The following TENM2 variants were observed in gnomAD, a reference collection of about 807,000 sequenced individuals.
TENM2 encodes teneurin transmembrane protein 2.
Under a neutral mutation model 245.2 loss-of-function variants are expected in TENM2, and 52 were observed. That is an observed-to-expected ratio of 0.21 (90% CI 0.17 to 0.27). The LOEUF is 0.27. Among genes scored for constraint, TENM2 ranks in the 10% least tolerant of loss-of-function variants. TENM2 has a pLI of 1.00. For missense variants in TENM2, 3,046 were observed against 3,666.8 expected (o/e 0.83, Z 4.37); for synonymous variants, 1,363 against 1,438.9 (o/e 0.95, Z 1.19).
intron 2 of TENM2, among the ~76,000 whole-genome samples, chr5:167,669,063 C>A (rs1339588477): frequency 6.6e-6 from 1 of 152,172 alleles, no homozygotes; most frequent in Non-Finnish European, 1.5e-5. Context: ...TAAGCTGATT[C>A]TTTTATTTGG....
At chr5:167,315,634 C>T (rs1417634761) in intron 1 of TENM2, among the ~76,000 whole-genome samples, 1 of 151,866 alleles carries the variant, frequency 6.6e-6, no homozygotes, top group African/African-American at 2.4e-5. Context: ...TGATTTTTTT[C>T]AAGGTGTGCT....
chr5:167,074,090 A>G, the TENM2 span, among the ~76,000 whole-genome samples: 537 of 152,306 alleles, frequency 3.5e-3, 3 homozygotes, highest in African/African-American at 0.012. Flanking sequence ...AAAGGGTTCT[A>G]TAAGGACCAT....
At chr5:167,088,491 G>C in the TENM2 span, among the ~76,000 whole-genome samples, 6 of 151,988 alleles carry the variant, frequency 3.9e-5, no homozygotes, top group Admixed American at 2.0e-4. Flanking sequence ...GAGGGGCGTG[G>C]TTTTGGGCAC....
At chr5:167,644,525 C>T (rs533575287) in intron 2 of TENM2, among the ~76,000 whole-genome samples, 1 of 152,310 alleles carries the variant, frequency 6.6e-6, no homozygotes, top group Admixed American at 6.5e-5. Context: ...GTGACATGCA[C>T]TCAGTAAATG....
chr5:168,204,373 A>T, exon 19 of TENM2: 1 of 1,612,516 alleles, frequency 6.2e-7, no homozygotes, highest in Non-Finnish European at 8.5e-7. Context: ...CCCCCACAGG[A>T]ATCCTACACA....
intron 2 of TENM2, among the ~76,000 whole-genome samples, chr5:167,470,251 A>G (rs1261061226): frequency 1.3e-5 from 2 of 152,142 alleles, no homozygotes; most frequent in African/African-American, 4.8e-5. Flanking sequence ...TCACATTACT[A>G]GATCTTAAGC....
At chr5:167,744,791 C>T (rs1404054707) in intron 2 of TENM2, among the ~76,000 whole-genome samples, 1 of 151,558 alleles carries the variant, frequency 6.6e-6, no homozygotes, top group Admixed American at 6.6e-5. Flanking sequence ...TTCTTTCTGT[C>T]TGTCTCTCTC....
At chr5:167,811,082 T>C (rs1766602088) in intron 2 of TENM2, among the ~76,000 whole-genome samples, 2 of 152,126 alleles carry the variant, frequency 1.3e-5, no homozygotes, top group South Asian at 4.1e-4. Flanking sequence ...TTTTGCATGA[T>C]ATATCGCTGC....
chr5:167,649,913 A>G (rs1286993867), intron 2 of TENM2, among the ~76,000 whole-genome samples: 1 of 152,184 alleles, frequency 6.6e-6, no homozygotes, highest in Non-Finnish European at 1.5e-5. Flanking sequence ...AGTTTTTCAA[A>G]TGGAAATTGA....
At chr5:167,791,581 G>A (rs542110491) in intron 2 of TENM2, among the ~76,000 whole-genome samples, 30 of 145,916 alleles carry the variant, frequency 2.1e-4, no homozygotes, top group Admixed American at 2.0e-3. Flanking sequence ...AATGAATGAG[G>A]ATAATGGTTG....
At chr5:167,604,419 A>G (rs549859567) in intron 2 of TENM2, among the ~76,000 whole-genome samples, 1 of 152,294 alleles carries the variant, frequency 6.6e-6, no homozygotes, top group East Asian at 1.9e-4. Context: ...TGTATTATAA[A>G]TCTATGCAGA....
At chr5:167,829,284 T>C (rs1230444281) in intron 2 of TENM2, among the ~76,000 whole-genome samples, 1 of 152,182 alleles carries the variant, frequency 6.6e-6, no homozygotes, top group African/African-American at 2.4e-5. Flanking sequence ...ACACCAGCCT[T>C]AAAGAAACTG....
At chr5:167,902,007 A>G (rs1444330648) in intron 3 of TENM2, among the ~76,000 whole-genome samples, 1 of 152,180 alleles carries the variant, frequency 6.6e-6, no homozygotes, top group Non-Finnish European at 1.5e-5. Flanking sequence ...CCCATATCCT[A>G]AGTAATCGTC....
rs115320196 is a variant in TENM2, at chr5:168,259,843, T to A, written c.7433-440T>A. ...AACACTTGCTAAATAAAGGAGTTGA[T>A]ATTTATTGAGCAGTTAATGTGCCAG... On this transcript the variant is annotated intron_variant, in intron 27 of 28. Transcript: ENST00000518659. 5.1e-3 allele frequency among the ~76,000 whole-genome samples: 777 copies of A among 152,376 alleles called. 6 individuals carry two copies. Among genetic ancestry groups the A allele is most frequent in the African/African-American group, 0.018 (740 of 41,582 alleles).
the TENM2 span, among the ~76,000 whole-genome samples, chr5:167,148,076 C>A: frequency 1.3e-5 from 2 of 152,258 alleles, no homozygotes; most frequent in South Asian, 4.1e-4. Context: ...TGATGCATAA[C>A]CCAACCAGCA....
chr5:167,150,317 T>C, the TENM2 span, among the ~76,000 whole-genome samples: 3 of 152,210 alleles, frequency 2.0e-5, no homozygotes, highest in Non-Finnish European at 4.4e-5. Context: ...GCTTCTATTA[T>C]ATTAAGATTG....
At chr5:167,564,781 G>C (rs1215543389) in intron 2 of TENM2, among the ~76,000 whole-genome samples, 1 of 152,234 alleles carries the variant, frequency 6.6e-6, no homozygotes, top group East Asian at 1.9e-4. Context: ...GCCAGAAAAG[G>C]CTTTCTTTCA....
the TENM2 span, among the ~76,000 whole-genome samples, chr5:167,189,321 G>T: frequency 6.6e-6 from 1 of 152,064 alleles, no homozygotes; most frequent in African/African-American, 2.4e-5. Context: ...TGTAATATTT[G>T]TTAATTTGGT....
At chr5:167,283,210 AT>A (rs112700134), upstream of TENM2, among the ~76,000 whole-genome samples, 11 of 148,852 alleles carry the variant, frequency 7.4e-5, no homozygotes, top group Admixed American at 2.7e-4. Context: ...GGCCCAGCGA[AT>A]TTTTTTTTTG....
Sources: gnomAD v4.1 joint callset for allele counts (sites outside exome capture counted in the v4.1 genomes callset) on GRCh38, gnomAD v4.1.1 for gene constraint, MANE v1.5 for transcripts, NCBI Gene and HGNC (gene_info 2026-07-23, HGNC 2026-07-21) for gene names.